The following MMD2 variants were observed in gnomAD, a reference collection of about 807,000 sequenced individuals.
MMD2 encodes the protein monocyte to macrophage differentiation associated 2.
Under a neutral mutation model 33.5 loss-of-function variants are expected in MMD2, and 30 were observed. The observed-to-expected ratio is 0.90, with a 90% confidence interval of 0.67 to 1.22. MMD2 has a LOEUF of 1.22. Among genes scored for constraint, MMD2 ranks in the 50% most tolerant of loss-of-function variants. The pLI, the probability that MMD2 is intolerant of heterozygous loss-of-function variation, is 0.00. For synonymous variants in MMD2, 129 were observed against 123.0 expected (o/e 1.05, Z -0.32); for missense variants, 364 against 325.4 (o/e 1.12, Z -0.91).
chr7:4,912,435 G>A (rs1463373714), intron 4 of MMD2, among the ~76,000 whole-genome samples: 10 of 151,618 alleles, frequency 6.6e-5, no homozygotes, highest in African/African-American at 1.7e-4. Flanking sequence ...GGTGTCGGGC[G>A]CCTGTAGTCC....
At chr7:4,929,693 T>G (rs1785525260) in intron 1 of MMD2, among the ~76,000 whole-genome samples, 1 of 151,772 alleles carries the variant, frequency 6.6e-6, no homozygotes, top group Admixed American at 6.6e-5. Context: ...CTCGGCTAAT[T>G]TTTGTATTTT....
the MMD2 span, among the ~76,000 whole-genome samples, chr7:4,896,837 T>C: frequency 1.3e-5 from 2 of 152,086 alleles, no homozygotes; most frequent in Non-Finnish European, 2.9e-5. Context: ...CCATTTTCTT[T>C]CTTTATTTTT....
chr7:4,909,805 T>C (rs1390423043), intron 6 of MMD2, 76 bp downstream of exon 6: 2 of 1,546,268 alleles, frequency 1.3e-6, no homozygotes, highest in Non-Finnish European at 1.8e-6. Context: ...TTTGTGACAA[T>C]CTCAACAGCC....
intron 1 of MMD2, among the ~76,000 whole-genome samples, chr7:4,955,732 C>T (rs1786365474): frequency 6.6e-6 from 1 of 152,110 alleles, no homozygotes; most frequent in Non-Finnish European, 1.5e-5. Context: ...GAATATTAGG[C>T]ACACATTAAA....
chr7:4,894,658 C>T, the MMD2 span, among the ~76,000 whole-genome samples: 1 of 152,086 alleles, frequency 6.6e-6, no homozygotes, highest in East Asian at 1.9e-4. This position sits in a 1 kb window ranked among gnomAD's most constrained non-coding sequence, Gnocchi z 4.3. Context: ...CAGCCCGCCC[C>T]TGGCCACTCC....
intron 3 of MMD2, among the ~76,000 whole-genome samples, chr7:4,917,906 A>C (rs899117962): frequency 1.3e-5 from 2 of 152,158 alleles, no homozygotes; most frequent in African/African-American, 4.8e-5. Flanking sequence ...TCAGGGAACA[A>C]ATAGGACATT....
intron 5 of MMD2, among the ~76,000 whole-genome samples, chr7:4,910,241 G>A (rs1784972609): frequency 6.6e-6 from 1 of 152,068 alleles, no homozygotes; most frequent in African/African-American, 2.4e-5. Flanking sequence ...GCACACACAT[G>A]GGCACTTCCG....
chr7:4,895,336 A>G, the MMD2 span, among the ~76,000 whole-genome samples: 2 of 152,172 alleles, frequency 1.3e-5, no homozygotes. Flanking sequence ...TCGGCCTCCC[A>G]AAGTACTGGG....
the MMD2 span, among the ~76,000 whole-genome samples, chr7:4,892,370 C>T: frequency 6.6e-6 from 1 of 152,006 alleles, no homozygotes; most frequent in South Asian, 2.1e-4. Flanking sequence ...GGCAGATCAC[C>T]TGAGGTCAGG....
chr7:4,896,783 T>C, the MMD2 span, among the ~76,000 whole-genome samples: 19 of 152,268 alleles, frequency 1.2e-4, no homozygotes, highest in African/African-American at 4.3e-4. Context: ...TTTGTTTTTT[T>C]CTTTAGTGTT....
rs145698227 is a variant in MMD2, at chr7:4,922,099, G to A, written c.130-1768C>T. Reference sequence around the variant, plus strand: ...AAATTAGCTAGGCATGGTGGCATGCGTCTGTAATTCCAGCTACTTGGGAGG... The same window carrying A: ...AAATTAGCTAGGCATGGTGGCATGCATCTGTAATTCCAGCTACTTGGGAGG... On this transcript the variant is annotated intron_variant, in intron 2 of 6. Transcript: ENST00000401401. Among the ~76,000 whole-genome samples, 60 of 151,754 alleles carry A rather than the reference G, an allele frequency of 4.0e-4. 1 individual carries two copies. In the East Asian group the frequency reaches 7.2e-3, roughly 18 times the overall value.
chr7:4,928,795 C>T (rs560794015), intron 1 of MMD2, among the ~76,000 whole-genome samples: 1 of 151,318 alleles, frequency 6.6e-6, no homozygotes, highest in Non-Finnish European at 1.5e-5. Context: ...TTATTAAGTA[C>T]CTTTGATGTG....
At chr7:4,911,386 C>T in intron 4 of MMD2, 140 bp from the exon 5 acceptor site, 1 of 624,504 alleles carries the variant, frequency 1.6e-6, no homozygotes, top group South Asian at 1.9e-5. Context: ...TGGGCGCTCA[C>T]AGGAAGACGG....
At chr7:4,894,439 C>T in the MMD2 span, among the ~76,000 whole-genome samples, 1 of 152,184 alleles carries the variant, frequency 6.6e-6, no homozygotes, top group African/African-American at 2.4e-5. The surrounding 1 kb of genome is among the most constrained non-coding windows in gnomAD (Gnocchi z 4.3). Context: ...GAGATAGTAA[C>T]AGAGTGGCTT....
intron 1 of MMD2, among the ~76,000 whole-genome samples, chr7:4,953,879 G>A (rs1786317538): frequency 6.6e-6 from 1 of 151,836 alleles, no homozygotes; most frequent in Admixed American, 6.6e-5. Flanking sequence ...GTATTTTTTG[G>A]AGATGGAGTT....
At chr7:4,912,562 A>G (rs1038377591) in intron 4 of MMD2, among the ~76,000 whole-genome samples, 1 of 142,694 alleles carries the variant, frequency 7.0e-6, no homozygotes, top group Non-Finnish European at 1.5e-5. Flanking sequence ...ACTCTGTCTC[A>G]AAAAAAAAAA....
downstream of MMD2, among the ~76,000 whole-genome samples, chr7:4,903,468 C>T (rs541517591): frequency 2.6e-5 from 4 of 152,246 alleles, no homozygotes; most frequent in East Asian, 7.8e-4. Flanking sequence ...GAAGGCTCAA[C>T]GCCACTCACA....
At chr7:4,939,240 G>A (rs1785834856) in intron 1 of MMD2, among the ~76,000 whole-genome samples, 1 of 150,964 alleles carries the variant, frequency 6.6e-6, no homozygotes, top group South Asian at 2.1e-4. Flanking sequence ...AGGAGGGGAG[G>A]TGCTAGGTAA....
chr7:4,929,325 G>A (rs1020864168), intron 1 of MMD2, among the ~76,000 whole-genome samples: 4 of 152,046 alleles, frequency 2.6e-5, no homozygotes, highest in Admixed American at 1.3e-4. Context: ...TCCCACGGCC[G>A]CAGCAGCCTC....
Sources: allele counts gnomAD v4.1 joint callset (sites outside exome capture counted in the v4.1 genomes callset), GRCh38; gene constraint gnomAD v4.1.1; non-coding constraint Gnocchi (gnomAD v3.1); transcripts MANE v1.5; gene names NCBI Gene and HGNC (gene_info 2026-07-23, HGNC 2026-07-21).